XBP1: variants seen among roughly 807,000 people sequenced by gnomAD.
XBP1 encodes X-box-binding protein 1.
A neutral mutation model predicts 34.6 loss-of-function variants in XBP1; 18 were observed. The ratio of observed to expected loss-of-function variants is 0.52; its 90% CI spans 0.36 to 0.77. XBP1 has a LOEUF of 0.77. Among genes scored for constraint, XBP1 ranks in the 30% least tolerant of loss-of-function variants. XBP1 has a pLI of 0.00. For missense variants in XBP1, 422 were observed against 464.6 expected (o/e 0.91, Z 0.84); for synonymous variants, 191 against 193.4 (o/e 0.99, Z 0.11).
At chr22:28,800,340 T>C (rs1462324246) in exon 1 of XBP1, 2 of 1,550,368 alleles carry the variant, frequency 1.3e-6, no homozygotes, top group African/African-American at 1.4e-5. Context: ...CGTGAGGCGC[T>C]GTCGCTTGCG....
chr22:28,795,185 A>C, exon 6 of XBP1: 2 of 1,510,212 alleles, frequency 1.3e-6, no homozygotes, highest in African/African-American at 1.4e-5. Flanking sequence ...TTAGACACTA[A>C]TCAGCTGGGG....
Position 28,795,533 on chromosome 22 carries a change from TGG to T in XBP1, c.771_772del (p.Asp257GlufsTer14). ...TAAGACTAGGGGCTTGGTATATATG[TGG>T]TCAAAACGAATTAGTTCATTAATGG... On this transcript the variant is annotated frameshift_variant, in exon 6 of 6. Transcript: ENST00000344347. LOFTEE classifies it high-confidence loss of function. 6.2e-7 allele frequency: 1 copy of T among 1,614,162 alleles called. No individual in the cohort carries two copies. Among genetic ancestry groups the T allele is most frequent in the Non-Finnish European group, 8.5e-7 (1 of 1,180,030 alleles).
At chr22:28,800,218 C>G (rs2031851728) in intron 1 of XBP1, 80 bp downstream of exon 1, 1 of 1,476,074 alleles carries the variant, frequency 6.8e-7, no homozygotes, top group African/African-American at 1.4e-5. Flanking sequence ...AGTGCTGGGT[C>G]CCCGCTCCCA....
intron 1 of XBP1, chr22:28,799,819 AT>A: frequency 1.6e-6 from 1 of 606,220 alleles, no homozygotes; most frequent in Non-Finnish European, 3.0e-6. Context: ...CAAAGACCTC[AT>A]GAAGTAGGTT....
intron 1 of XBP1, chr22:28,799,872 C>A (rs2146267806): frequency 1.4e-6 from 1 of 703,382 alleles, no homozygotes; most frequent in Non-Finnish European, 2.6e-6. Context: ...CAGTGAGCCT[C>A]GCAGAATTCC....
chr22:28,796,027 T>C lies in XBP1; in HGVS notation c.573+20A>G, dbSNP rs1174017068. On this transcript the variant is annotated intron_variant, in intron 5 of 5. Transcript: ENST00000344347. Reference sequence around the variant, plus strand: ...ATTAACTGGTTATATAGCTCTTTAATAAGTCAGAATGATCCCTACCTCTGA... The same window carrying C: ...ATTAACTGGTTATATAGCTCTTTAACAAGTCAGAATGATCCCTACCTCTGA... 2 of 1,613,734 alleles carry C rather than the reference T, an allele frequency of 1.2e-6. No homozygotes were observed.
chr22:28,799,849 T>C, intron 1 of XBP1: 1 of 636,594 alleles, frequency 1.6e-6, no homozygotes, highest in Non-Finnish European at 2.9e-6. Flanking sequence ...AGAACGCAGA[T>C]ACTGAGCTAG....
Position 28,800,510 on chromosome 22 carries a change from T to TGCC in XBP1, c.12_14dup (p.Ala7dup), listed in dbSNP as rs528996789. 5.0e-3 allele frequency: 7,424 copies of TGCC among 1,490,232 alleles called. 32 individuals carry two copies. The highest frequency in any genetic ancestry group is 0.023 in the African/African-American group (1,550 of 68,050). The allele number at this position is 1,490,232 out of a possible 1,614,324, so 92.3% of individuals were successfully genotyped here. ...TCCCGTCGGCCGGGTTCGGCGCGGCTGCCACCACCACCATAGCTCCAGACT... is the reference window on the plus strand; with the variant it reads ...TCCCGTCGGCCGGGTTCGGCGCGGCTGCCGCCACCACCACCATAGCTCCAGACT... On this transcript the variant is annotated inframe_insertion, in exon 1 of 6. Transcript: ENST00000344347.
At position 28,800,060 on chromosome 22, in the gene XBP1, G is replaced by A. The variant is rs577061914; in HGVS notation, c.227+238C>T. On this transcript the variant is annotated intron_variant, in intron 1 of 5. Transcript: ENST00000344347. ...ATCCCCAGCTCTGGTCATCTCTAAC[G>A]AGAGAGTTAAAAAGTACAGAAAAGA... 13 of 771,784 alleles carry A rather than the reference G, an allele frequency of 1.7e-5. No individual in the cohort carries two copies. In the East Asian group the frequency reaches 2.7e-4, roughly 16 times the overall value. The allele number at this position is 771,784 out of a possible 1,614,324, so 47.8% of individuals were successfully genotyped here.
At chr22:28,800,318 G>T in exon 1 of XBP1, 2 of 1,555,094 alleles carry the variant, frequency 1.3e-6, no homozygotes, top group Non-Finnish European at 8.7e-7. Context: ...CCTTCTCCTC[G>T]GGGCTCAGGT....
chr22:28,795,998 T>G, intron 5 of XBP1, 49 bp downstream of exon 5: 1 of 1,609,672 alleles, frequency 6.2e-7, no homozygotes, highest in East Asian at 2.2e-5. Context: ...ATCAAACAGA[T>G]GGAATTAACT....
At chr22:28,799,239 AT>A in intron 1 of XBP1, 86 bp from the exon 2 acceptor site, 2 of 979,376 alleles carry the variant, frequency 2.0e-6, no homozygotes, top group Non-Finnish European at 1.5e-6. Flanking sequence ...TGGTGCTTTC[AT>A]TTTTATTTAC....
Position 28,796,027 on chromosome 22 carries a change from T to TAA in XBP1, c.573+18_573+19dup. ...ATTAACTGGTTATATAGCTCTTTAA[T>TAA]AAGTCAGAATGATCCCTACCTCTGA... On this transcript the variant is annotated intron_variant, in intron 5 of 5. Transcript: ENST00000344347. The TAA allele has an allele frequency of 6.2e-7, 1 of 1,613,852 alleles. No homozygotes were observed. The highest frequency in any genetic ancestry group is 8.5e-7 in the Non-Finnish European group (1 of 1,179,734).
chr22:28,799,636 T>C (rs1227474307), intron 1 of XBP1, among the ~76,000 whole-genome samples: 1 of 152,192 alleles, frequency 6.6e-6, no homozygotes, highest in African/African-American at 2.4e-5. Context: ...GTTGAGATCC[T>C]AGGCAGTGAC....
exon 6 of XBP1, chr22:28,795,721 C>A (rs143298350): frequency 6.5e-7 from 1 of 1,534,782 alleles, no homozygotes; most frequent in Non-Finnish European, 8.7e-7. Flanking sequence ...GAATGCCCAA[C>A]AGGATATCAG....
chr22:28,796,960 T>G lies in XBP1; in HGVS notation c.453+117A>C, dbSNP rs2031762219. 2.2e-6 allele frequency: 3 copies of G among 1,362,008 alleles called. No homozygotes were observed. The East Asian group carries it at 7.2e-5, about 32-fold the overall frequency. The allele number at this position is 1,362,008 out of a possible 1,614,324, so 84.4% of individuals were successfully genotyped here. A position where few individuals can be genotyped will look rare whatever the true frequency, so the allele number is the denominator to read the frequency against. ...TGCCTGCATGAAAATGTCTTAAAAC[T>G]GAAGGAAAATTTCAAGAACGCTCTT... On this transcript the variant is annotated intron_variant, in intron 3 of 5. Coordinates refer to ENST00000344347, the Ensembl canonical transcript of XBP1.
chr22:28,798,302 C>CTTTTTTTTTTTTTTTTT lies in XBP1; in HGVS notation c.324+754_324+755insAAAAAAAAAAAAAAAAA, dbSNP rs71316865. Among the ~76,000 whole-genome samples, 22 of 123,368 alleles carry CTTTTTTTTTTTTTTTTT rather than the reference C, an allele frequency of 1.8e-4. 1 individual carries two copies. The highest frequency in any genetic ancestry group is 5.9e-4 in the East Asian group (2 of 3,412). The allele number at this position is 123,368 out of a possible 152,430, so 80.9% of individuals were successfully genotyped here. Reference sequence around the variant, plus strand: ...AACTCTCTGTCCTAACTTAGATTAACTTTTTTTTTTTTTTTGAGACAGGGT... The same window carrying CTTTTTTTTTTTTTTTTT: ...AACTCTCTGTCCTAACTTAGATTAACTTTTTTTTTTTTTTTTTTTTTTTTTTTTTTTTGAGACAGGGT... On this transcript the variant is annotated intron_variant, in intron 2 of 5. Transcript: ENST00000344347.
chr22:28,800,242 C>A, intron 1 of XBP1, 56 bp downstream of exon 1: 4 of 1,527,772 alleles, frequency 2.6e-6, no homozygotes, highest in Non-Finnish European at 3.5e-6. Flanking sequence ...CCTGCCCCTG[C>A]CCCTGTCCCT....
chr22:28,800,146 G>A (rs2031848091), intron 1 of XBP1, 152 bp downstream of exon 1: 2 of 913,430 alleles, frequency 2.2e-6, no homozygotes, highest in African/African-American at 1.7e-5. Context: ...TTCCTGCCCC[G>A]CCCCGCGCCA....
Sources: gnomAD v4.1 joint callset for allele counts (sites outside exome capture counted in the v4.1 genomes callset) on GRCh38, gnomAD v4.1.1 for gene constraint, MANE v1.5 for transcripts, NCBI Gene and HGNC (gene_info 2026-07-23, HGNC 2026-07-21) for gene names.